The following AHNAK variants were observed in gnomAD, a reference collection of about 807,000 sequenced individuals.
The protein encoded by AHNAK is neuroblast differentiation-associated protein AHNAK.
A neutral mutation model predicts 37.8 loss-of-function variants in AHNAK; 23 were observed. The observed-to-expected ratio is 0.61, with a 90% CI of 0.44 to 0.86. The LOEUF (loss-of-function observed/expected upper bound fraction) is 0.86. Ranked by LOEUF, AHNAK falls within the 40% of genes least tolerant of loss-of-function variation. The pLI, the probability that AHNAK is intolerant of heterozygous loss-of-function variation, is 0.00. For missense variants in AHNAK, 7,411 were observed against 7,319.4 expected, an observed-to-expected ratio of 1.01 and a Z score of -0.46; for synonymous variants, 2,481 against 2,636.3, an observed-to-expected ratio of 0.94 and a Z score of 1.80.
intron 5 of AHNAK, among the ~76,000 whole-genome samples, chr11:62,487,107 G>C (rs1939410606): frequency 6.6e-6 from 1 of 152,196 alleles, no homozygotes; most frequent in Non-Finnish European, 1.5e-5. Flanking sequence ...CAGTGGTGCG[G>C]GACGTCTGGT....
intron 5 of AHNAK, among the ~76,000 whole-genome samples, chr11:62,470,078 G>A (rs1939000643): frequency 6.6e-6 from 1 of 152,138 alleles, no homozygotes; most frequent in Non-Finnish European, 1.5e-5. Flanking sequence ...GCCAAGGTGG[G>A]CGGATCACAA....
At chr11:62,470,045 C>A (rs750453794) in intron 5 of AHNAK, among the ~76,000 whole-genome samples, 3 of 152,198 alleles carry the variant, frequency 2.0e-5, no homozygotes, top group Non-Finnish European at 4.4e-5. Context: ...GTGCTCACGC[C>A]CGTAATCCCA....
intron 5 of AHNAK, among the ~76,000 whole-genome samples, chr11:62,449,578 A>G (rs1938490504): frequency 6.6e-6 from 1 of 151,954 alleles, no homozygotes; most frequent in Admixed American, 6.6e-5. Flanking sequence ...CCTATTCTTC[A>G]CCCTAGTCTG....
rs562460059 is a variant in AHNAK, at chr11:62,485,541, A to C, written c.442+6191T>G. Among the ~76,000 whole-genome samples the C allele has an allele frequency of 5.3e-5, 8 of 152,052 alleles. No individual in the cohort carries two copies. In the East Asian group the frequency reaches 1.6e-3, roughly 30 times the overall value. ...CACGGTGAAACCCCGTCTCTACTAA[A>C]AATACAAAAAATTAGCTGGGCATGG... On this transcript the variant is annotated intron_variant, in intron 5 of 5. Coordinates refer to the AHNAK transcript ENST00000257247.
intron 5 of AHNAK, among the ~76,000 whole-genome samples, chr11:62,480,478 G>A (rs1014596078): frequency 6.6e-6 from 1 of 151,942 alleles, no homozygotes; most frequent in Non-Finnish European, 1.5e-5. Flanking sequence ...TGGCCAAGAT[G>A]GTGAAACCCC....
chr11:62,445,278 T>C (rs1280640447), intron 5 of AHNAK, among the ~76,000 whole-genome samples: 1 of 152,192 alleles, frequency 6.6e-6, no homozygotes, highest in African/African-American at 2.4e-5. Context: ...TTCTTTAGAA[T>C]GCACTATTTT....
At chr11:62,498,055 T>A (rs1438171586) in intron 4 of AHNAK, among the ~76,000 whole-genome samples, 2 of 152,180 alleles carry the variant, frequency 1.3e-5, no homozygotes, top group African/African-American at 4.8e-5. Context: ...TGCACAATAT[T>A]TCACAATGAA....
chr11:62,463,161 A>G (rs1007369658), intron 5 of AHNAK, among the ~76,000 whole-genome samples: 5 of 149,724 alleles, frequency 3.3e-5, no homozygotes, highest in Admixed American at 2.7e-4. Flanking sequence ...GGCTTCTGCT[A>G]TCTCCATCTG....
At chr11:62,477,326 T>C (rs1261877803) in intron 5 of AHNAK, among the ~76,000 whole-genome samples, 1 of 152,230 alleles carries the variant, frequency 6.6e-6, no homozygotes, top group Non-Finnish European at 1.5e-5. Context: ...ATACATGGTC[T>C]GAAGCCGCAA....
At chr11:62,502,599 A>G (rs148911871) in intron 4 of AHNAK, among the ~76,000 whole-genome samples, 219 of 152,302 alleles carry the variant, frequency 1.4e-3, no homozygotes, top group Admixed American at 3.5e-3. Context: ...CAGAGCTGAC[A>G]GTCCGGAGCA....
At chr11:62,459,411 G>A (rs1164836322) in intron 5 of AHNAK, among the ~76,000 whole-genome samples, 1 of 152,124 alleles carries the variant, frequency 6.6e-6, no homozygotes, top group African/African-American at 2.4e-5. Context: ...CATCCCTGGG[G>A]ACGAGGAAGT....
At chr11:62,499,394 C>CA (rs1939674633) in intron 4 of AHNAK, among the ~76,000 whole-genome samples, 1 of 152,012 alleles carries the variant, frequency 6.6e-6, no homozygotes, top group Admixed American at 6.6e-5. Flanking sequence ...ACTAAAAATA[C>CA]AAAAAAATTA....
chr11:62,480,039 T>A (rs1939233912), intron 5 of AHNAK, among the ~76,000 whole-genome samples: 1 of 152,058 alleles, frequency 6.6e-6, no homozygotes, highest in Non-Finnish European at 1.5e-5. Context: ...TCACCCCTGA[T>A]TTCAAGCAGG....
chr11:62,542,937 C>G (rs1175194220), intron 1 of AHNAK, among the ~76,000 whole-genome samples: 1 of 152,196 alleles, frequency 6.6e-6, no homozygotes, highest in East Asian at 1.9e-4. Context: ...TTGCTCTCCC[C>G]CCAGCGGTCG....
chr11:62,478,995 C>T (rs1197814109), intron 5 of AHNAK, among the ~76,000 whole-genome samples: 1 of 151,954 alleles, frequency 6.6e-6, no homozygotes, highest in Non-Finnish European at 1.5e-5. Context: ...CCTGCCTCAG[C>T]CTCCTGAGTA....
In AHNAK at chr11:62,523,678, T is replaced by G; in HGVS notation, c.10739A>C (p.Lys3580Thr). The change falls in exon 5 of 5, where the codon AAA (lysine) becomes ACA (threonine). Residue 3580 changes from lysine to threonine, a missense_variant. Lys to Thr is a moderately conservative substitution (Grantham distance 78, BLOSUM62 -1). Transcript: ENST00000378024. ...GDLKGPEVDI[K>T]GPKVDINAPD... ...GGCATTGATGTCCACTTTAGGGCCT[T>G]TGATATCAACCTCTGGCCCTTTCAG... The G allele has an allele frequency of 6.2e-7, 1 of 1,613,966 alleles. No individual in the cohort carries two copies. The highest frequency in any genetic ancestry group is 8.5e-7 in the Non-Finnish European group (1 of 1,179,994).
Position 62,518,769 on chromosome 11 carries a change from T to G in AHNAK, c.15648A>C (p.Gly5216=). Residue 5216 remains glycine, a synonymous_variant, in exon 5 of 5, where the codon GGA becomes GGC. Transcript: ENST00000378024. ...GCAGATCTACATCTGGTCCTTCCAG[T>G]CCCACGCTGGGGACATCACCCTTTA... The part of the protein sequence containing the change: ...PKIKGDVPSV[G]LEGPDVDLQG... 6 of 1,614,236 alleles carry G rather than the reference T, an allele frequency of 3.7e-6. No individual in the cohort carries two copies. The highest frequency in any genetic ancestry group is 1.7e-5 in the Admixed American group (1 of 60,030).
At chr11:62,464,497 G>C (rs1314997301) in intron 5 of AHNAK, among the ~76,000 whole-genome samples, 1 of 152,052 alleles carries the variant, frequency 6.6e-6, no homozygotes, top group Non-Finnish European at 1.5e-5. Context: ...GCGAAATCCT[G>C]TCTCTACTAA....
intron 5 of AHNAK, among the ~76,000 whole-genome samples, chr11:62,468,358 GAAAAA>G (rs67985309): frequency 1.1e-4 from 17 of 148,402 alleles, no homozygotes; most frequent in East Asian, 2.0e-4. Context: ...CCAAAAAAAA[GAAAAA>G]AAAAAAAAAT....
Sources: gnomAD v4.1 joint callset for allele counts (sites outside exome capture counted in the v4.1 genomes callset) on GRCh38, gnomAD v4.1.1 for gene constraint, MANE v1.5 for transcripts, NCBI Gene and HGNC (gene_info 2026-07-23, HGNC 2026-07-21) for gene names.